PLXDC2: variants seen among roughly 807,000 people sequenced by gnomAD.
PLXDC2 encodes plexin domain containing 2.
A neutral mutation model predicts 68.9 loss-of-function variants in PLXDC2; 40 were observed. The ratio of observed to expected loss-of-function variants is 0.58; its 90% CI spans 0.45 to 0.76. The LOEUF is 0.76. PLXDC2 is among the 30% of genes least tolerant of loss of function. The probability of loss-of-function intolerance (pLI) is 0.00; values close to 1 mark genes in which losing one functional copy is unlikely to be tolerated. For synonymous variants in PLXDC2, 243 were observed against 234.2 expected (o/e 1.04, Z -0.34); for missense variants, 644 against 661.9 (o/e 0.97, Z 0.30).
chr10:20,036,391 C>T (rs1835580163), intron 2 of PLXDC2, among the ~76,000 whole-genome samples: 1 of 152,110 alleles, frequency 6.6e-6, no homozygotes. Context: ...TCAATGAAAA[C>T]AGAATCAGCT....
Position 20,280,132 on chromosome 10 carries a change from G to A in PLXDC2, c.*313G>A, listed in dbSNP as rs1316048195. ...TTATAATGCTTTTGGCTTAGGTGCA[G>A]GGTTGCAAAGGGATCAGAAAAAAAA... On this transcript the variant is annotated 3_prime_UTR_variant, in exon 14 of 14. Transcript: ENST00000377252. 8.5e-6 allele frequency: 2 copies of A among 236,670 alleles called. No homozygotes were observed. The highest frequency in any genetic ancestry group is 2.2e-5 in the African/African-American group (1 of 44,446). 14.7% of individuals were successfully genotyped at this position (236,670 alleles called of 1,614,324 possible).
chr10:19,876,506 G>A (rs2131347016), intron 1 of PLXDC2, among the ~76,000 whole-genome samples: 1 of 151,096 alleles, frequency 6.6e-6, no homozygotes, highest in East Asian at 2.0e-4. Context: ...GGAGGCTGAG[G>A]CAGGAGAATC....
chr10:19,901,479 T>G (rs1483222170), intron 1 of PLXDC2, among the ~76,000 whole-genome samples: 2 of 152,214 alleles, frequency 1.3e-5, no homozygotes. Context: ...TATCTTCTTT[T>G]GAGAATTGTC....
intron 12 of PLXDC2, among the ~76,000 whole-genome samples, chr10:20,235,673 G>A (rs1835423167): frequency 6.6e-6 from 1 of 152,128 alleles, no homozygotes; most frequent in African/African-American, 2.4e-5. Flanking sequence ...TTAGTCAGGT[G>A]GTTTAGACAC....
intron 4 of PLXDC2, among the ~76,000 whole-genome samples, chr10:20,095,702 C>T (rs888594817): frequency 2.0e-5 from 3 of 151,980 alleles, no homozygotes; most frequent in Admixed American, 6.6e-5. Context: ...TTGTATATAG[C>T]CTGGTGCCAC....
chr10:20,191,540 A>T (rs1256279533), intron 9 of PLXDC2, among the ~76,000 whole-genome samples: 1 of 150,732 alleles, frequency 6.6e-6, no homozygotes, highest in Non-Finnish European at 1.5e-5. Context: ...GCACTCCACT[A>T]ACACAGAGGT....
chr10:20,082,124 CAT>C (rs1836578128), intron 4 of PLXDC2, among the ~76,000 whole-genome samples: 2 of 118,452 alleles, frequency 1.7e-5, no homozygotes, highest in East Asian at 3.0e-4. Flanking sequence ...CATAAGGAAA[CAT>C]AACAGCTAAA....
intron 1 of PLXDC2, among the ~76,000 whole-genome samples, chr10:19,863,739 T>C (rs1195652823): frequency 6.6e-6 from 1 of 152,204 alleles, no homozygotes; most frequent in Non-Finnish European, 1.5e-5. Flanking sequence ...TTCAAAGTAA[T>C]AAATAAGCTG....
At chr10:20,015,147 A>G (rs1835189290) in intron 2 of PLXDC2, among the ~76,000 whole-genome samples, 1 of 152,206 alleles carries the variant, frequency 6.6e-6, no homozygotes, top group South Asian at 2.1e-4. Flanking sequence ...GCTTTCCCCC[A>G]GTCATCCTCT....
intron 9 of PLXDC2, among the ~76,000 whole-genome samples, chr10:20,199,895 GA>G (rs567848070): frequency 7.0e-4 from 106 of 151,378 alleles, no homozygotes; most frequent in Middle Eastern, 3.4e-3. Context: ...TCTATTTGGG[GA>G]AAAAAAATAT....
At chr10:20,005,439 C>T (rs945417861) in intron 2 of PLXDC2, among the ~76,000 whole-genome samples, 2 of 152,144 alleles carry the variant, frequency 1.3e-5, no homozygotes, top group Admixed American at 1.3e-4. Flanking sequence ...AAAAATCTAC[C>T]TCTGAAAGTT....
intron 13 of PLXDC2, among the ~76,000 whole-genome samples, chr10:20,273,236 GT>G (rs1434489772): frequency 6.6e-6 from 1 of 151,726 alleles, no homozygotes; most frequent in South Asian, 2.1e-4. Flanking sequence ...TCTGTTTCCC[GT>G]TTTTTATGGC....
At chr10:20,142,067 A>G (rs894944263) in intron 4 of PLXDC2, among the ~76,000 whole-genome samples, 6 of 152,120 alleles carry the variant, frequency 3.9e-5, no homozygotes, top group African/African-American at 1.4e-4. Flanking sequence ...TTCTAAGTAA[A>G]TAACTACAGG....
intron 7 of PLXDC2, among the ~76,000 whole-genome samples, chr10:20,173,938 C>T (rs1039476168): frequency 2.6e-5 from 4 of 152,096 alleles, no homozygotes; most frequent in Admixed American, 2.6e-4. Context: ...AAATTCAACT[C>T]CTCTCAATAG....
intron 1 of PLXDC2, among the ~76,000 whole-genome samples, chr10:19,884,051 C>T (rs1311931597): frequency 6.7e-6 from 1 of 149,350 alleles, no homozygotes; most frequent in Non-Finnish European, 1.5e-5. Context: ...ACCACCACAC[C>T]TGGCTAATTT....
At chr10:20,039,326 A>G (rs1835636313) in intron 2 of PLXDC2, among the ~76,000 whole-genome samples, 1 of 152,280 alleles carries the variant, frequency 6.6e-6, no homozygotes, top group Middle Eastern at 3.4e-3. Flanking sequence ...AATTTAGTGG[A>G]GATGTTTATT....
chr10:19,832,818 T>C (rs1836720579), intron 1 of PLXDC2, among the ~76,000 whole-genome samples: 1 of 152,212 alleles, frequency 6.6e-6, no homozygotes, highest in Non-Finnish European at 1.5e-5. Flanking sequence ...GGGAAAGTTC[T>C]CCAGGGAAGA....
At chr10:19,871,027 G>A (rs915299419) in intron 1 of PLXDC2, among the ~76,000 whole-genome samples, 4 of 152,178 alleles carry the variant, frequency 2.6e-5, no homozygotes, top group African/African-American at 9.7e-5. Flanking sequence ...GGACAGTTTG[G>A]TTGCTAGGAG....
At chr10:20,158,266 T>G (rs913287541) in intron 6 of PLXDC2, among the ~76,000 whole-genome samples, 2 of 152,142 alleles carry the variant, frequency 1.3e-5, no homozygotes, top group African/African-American at 2.4e-5. Flanking sequence ...TCATTGACTT[T>G]GGCACTTCAT....
Sources: allele counts gnomAD v4.1 joint callset (sites outside exome capture counted in the v4.1 genomes callset), GRCh38; gene constraint gnomAD v4.1.1; transcripts MANE v1.5; gene names NCBI Gene and HGNC (gene_info 2026-07-23, HGNC 2026-07-21).